PIK3C3: variants seen among roughly 807,000 people sequenced by gnomAD.
PIK3C3 encodes the protein phosphatidylinositol 3-kinase catalytic subunit type 3, also known as PI3-kinase type 3.
Under a neutral mutation model 126.1 loss-of-function variants are expected in PIK3C3, and 95 were observed. The observed-to-expected ratio is 0.75, with a 90% CI of 0.64 to 0.89. PIK3C3 has a LOEUF of 0.89. Among genes scored for constraint, PIK3C3 ranks in the 40% least tolerant of loss-of-function variants. PIK3C3 has a pLI of 0.00. For missense variants in PIK3C3, 829 were observed against 1,063.2 expected (o/e 0.78, Z 3.06); for synonymous variants, 374 against 360.0 (o/e 1.04, Z -0.44).
chr18:42,066,552 G>T (rs892461243), intron 23 of PIK3C3, among the ~76,000 whole-genome samples: 13 of 152,244 alleles, frequency 8.5e-5, no homozygotes, highest in African/African-American at 2.9e-4. Context: ...AGCCGGCTTC[G>T]TGAATTCTCT....
intron 9 of PIK3C3, among the ~76,000 whole-genome samples, chr18:41,997,760 C>A (rs1450186697): frequency 6.6e-6 from 1 of 152,092 alleles, no homozygotes; most frequent in Non-Finnish European, 1.5e-5. Flanking sequence ...ATTAGGGGAC[C>A]TGTGCAGACT....
intron 24 of PIK3C3, among the ~76,000 whole-genome samples, chr18:42,076,145 C>CACATATATAT (rs1232530841): frequency 7.6e-5 from 2 of 26,226 alleles, no homozygotes; most frequent in Admixed American, 4.8e-4. Flanking sequence ...TATATATATG[C>CACATATATAT]GCATATATAT....
At chr18:42,043,619 T>C in intron 19 of PIK3C3, 114 bp from the exon 20 acceptor site, 1 of 636,762 alleles carries the variant, frequency 1.6e-6, no homozygotes, top group Non-Finnish European at 2.8e-6. Context: ...TCTCTCATAC[T>C]GTATTTTGAT....
intron 18 of PIK3C3, among the ~76,000 whole-genome samples, chr18:42,040,156 CTTTTTTTT>C (rs55821466): frequency 9.0e-6 from 1 of 110,554 alleles, no homozygotes; most frequent in African/African-American, 3.8e-5. Flanking sequence ...GTCCCCTTTC[CTTTTTTTT>C]TTTTTTTTTT....
intron 6 of PIK3C3, among the ~76,000 whole-genome samples, chr18:41,991,759 C>G (rs1412796854): frequency 2.6e-5 from 4 of 152,024 alleles, no homozygotes; most frequent in Non-Finnish European, 5.9e-5. Context: ...TAGTGAAAGA[C>G]TAGGAAGTGT....
Position 41,970,059 on chromosome 18 carries a change from TC to T in PIK3C3, c.402-267del, listed in dbSNP as rs566650383. ...AAGTGATGAAATGTGTGTGCTCATT[TC>T]TCATCCTTCTCTCCTTCCACTCTCT... is the stretch of plus-strand genomic sequence containing the variant. On this transcript the variant is annotated intron_variant, in intron 3 of 24. Coordinates refer to ENST00000262039, the MANE Select transcript of PIK3C3 (RefSeq NM_002647.4). 3.9e-3 allele frequency among the ~76,000 whole-genome samples: 597 copies of T among 152,334 alleles called. 3 individuals carry two copies. The highest frequency in any genetic ancestry group is 0.013 in the African/African-American group (561 of 41,558).
intron 4 of PIK3C3, among the ~76,000 whole-genome samples, chr18:41,977,291 A>G (rs938502444): frequency 3.3e-5 from 5 of 152,184 alleles, no homozygotes; most frequent in East Asian, 3.9e-4. Flanking sequence ...AGTCAGTGCA[A>G]CCTCAAAGGA....
At position 41,970,405 on chromosome 18, in the gene PIK3C3, T is replaced by C; in HGVS notation, c.480T>C (p.Pro160=). Residue 160 remains proline, a synonymous_variant, in exon 4 of 25, where the codon CCT becomes CCC. Transcript: ENST00000262039. The part of the protein sequence containing the change: ...EADGSEPTKT[P]GRTSSTLSED... ...ATGGATCAGAACCCACAAAAACTCC[T>C]GGCAGAACAAGTAGCACTCTCTCAG... 1 of 1,613,960 alleles carries C rather than the reference T, an allele frequency of 6.2e-7. No homozygotes were observed. Among genetic ancestry groups the C allele is most frequent in the Non-Finnish European group, 8.5e-7 (1 of 1,179,880 alleles).
At chr18:42,027,639 G>A (rs1983631378) in intron 14 of PIK3C3, 91 bp downstream of exon 14, 1 of 559,708 alleles carries the variant, frequency 1.8e-6, no homozygotes, top group East Asian at 3.4e-5. Flanking sequence ...AGCTAAAAAT[G>A]GTTTTATATA....
At chr18:42,003,158 G>A (rs2144379781) in intron 9 of PIK3C3, among the ~76,000 whole-genome samples, 1 of 152,250 alleles carries the variant, frequency 6.6e-6, no homozygotes, top group Admixed American at 6.5e-5. Flanking sequence ...TCAAGAATAA[G>A]TTAGGGGATG....
At chr18:41,962,658 T>C in intron 3 of PIK3C3, 26 bp downstream of exon 3, 4 of 1,601,062 alleles carry the variant, frequency 2.5e-6, no homozygotes, top group Non-Finnish European at 3.4e-6. Context: ...GTCTCATCTG[T>C]AGGAGTGTAG....
intron 21 of PIK3C3, chr18:42,050,764 AC>A (rs1420443045): frequency 1.3e-5 from 2 of 152,180 alleles, no homozygotes; most frequent in African/African-American, 4.8e-5. Flanking sequence ...TGAAACCTGA[AC>A]CCTTTATTGG....
chr18:42,056,696 T>G (rs1303471166), intron 21 of PIK3C3, among the ~76,000 whole-genome samples: 1 of 152,106 alleles, frequency 6.6e-6, no homozygotes, highest in Non-Finnish European at 1.5e-5. Context: ...AAGAATTGCT[T>G]AGCTTAGTTG....
At chr18:41,969,909 CTACTG>C in intron 3 of PIK3C3, among the ~76,000 whole-genome samples, 1 of 152,228 alleles carries the variant, frequency 6.6e-6, no homozygotes, top group East Asian at 1.9e-4. Context: ...ACTATATAGT[CTACTG>C]TAATGTCATT....
At chr18:42,070,324 A>G (rs1234528556) in intron 24 of PIK3C3, among the ~76,000 whole-genome samples, 1 of 152,240 alleles carries the variant, frequency 6.6e-6, no homozygotes, top group Non-Finnish European at 1.5e-5. Flanking sequence ...TGAAGATTTC[A>G]CTGCCACTCA....
Position 42,037,691 on chromosome 18 carries a change from G to A in PIK3C3, c.1840-1G>A. ...TTGAAATCAATATTTTTATTTTCCA[G>A]AGTGCCCTTATGCCTGCACAGTTGT... On this transcript the variant is annotated splice_acceptor_variant, in intron 16 of 24. Transcript: ENST00000262039. LOFTEE classifies it high-confidence loss of function. 6.3e-7 allele frequency: 1 copy of A among 1,599,978 alleles called. No homozygotes were observed. The highest frequency in any genetic ancestry group is 8.5e-7 in the Non-Finnish European group (1 of 1,171,240).
chr18:42,029,399 A>G lies in PIK3C3; in HGVS notation c.1665A>G (p.Leu555=). 6.2e-7 allele frequency: 1 copy of G among 1,613,586 alleles called. No homozygotes were observed. The highest frequency in any genetic ancestry group is 2.2e-5 in the East Asian group (1 of 44,842). Residue 555 remains leucine (L), a synonymous_variant, in exon 15 of 25, where the codon CTA becomes CTG. Coordinates refer to ENST00000262039, the MANE Select transcript of PIK3C3 (RefSeq NM_002647.4). ...QQTFVDRLVH[L]MKAVQRESGN... is the part of the protein sequence containing the mutation. The stretch of plus-strand genomic sequence containing the variant: ...CATTTGTAGATCGGTTGGTGCATCT[A>G]ATGAAGGCAGTACAACGCGAAAGTG...
intron 9 of PIK3C3, among the ~76,000 whole-genome samples, chr18:41,997,477 C>A (rs892952524): frequency 6.6e-6 from 1 of 152,090 alleles, no homozygotes; most frequent in African/African-American, 2.4e-5. Flanking sequence ...AGCTTTTTGA[C>A]TACAGGCAAA....
rs1986303647 is a variant in PIK3C3 at position 42,083,025 on chromosome 18, C to T, written c.*1888C>T. The T allele has an allele frequency of 6.6e-6, 1 of 152,114 alleles. No homozygotes were observed. Among genetic ancestry groups the T allele is most frequent in the Admixed American group, 6.5e-5 (1 of 15,274 alleles). The allele number at this position is 152,114 out of a possible 1,614,324, so 9.4% of individuals were successfully genotyped here. A position where few individuals can be genotyped will look rare whatever the true frequency, so the allele number is the denominator to read the frequency against. On this transcript the variant is annotated 3_prime_UTR_variant, in exon 25 of 25. Transcript: ENST00000262039. ...TAACAAGAATTGTAAAGAGGATAAACCTTTCTAGGAAGGTTGATGCGTGTT... is the reference window on the plus strand; with the variant it reads ...TAACAAGAATTGTAAAGAGGATAAATCTTTCTAGGAAGGTTGATGCGTGTT...
Sources: gnomAD v4.1 joint callset for allele counts (sites outside exome capture counted in the v4.1 genomes callset) on GRCh38, gnomAD v4.1.1 for gene constraint, MANE v1.5 for transcripts, NCBI Gene and HGNC (gene_info 2026-07-23, HGNC 2026-07-21) for gene names.